Variants in FAR1 observed in about 807,000 individuals in gnomAD.
The protein encoded by FAR1 is fatty acyl-CoA reductase 1, also known as male sterility domain-containing protein 2.
A neutral mutation model predicts 61.1 loss-of-function variants in FAR1; 22 were observed. That is an observed-to-expected ratio of 0.36 (90% CI 0.26 to 0.51). The LOEUF is 0.51. Ranked by LOEUF, FAR1 falls within the 20% of genes least tolerant of loss-of-function variation. The pLI, the probability that FAR1 is intolerant of heterozygous loss-of-function variation, is 0.95. For synonymous variants in FAR1, 206 were observed against 209.7 expected (o/e 0.98, Z 0.15); for missense variants, 359 against 626.9 (o/e 0.57, Z 4.56).
At chr11:13,698,602 G>C (rs189988272) in intron 2 of FAR1, among the ~76,000 whole-genome samples, 6 of 152,126 alleles carry the variant, frequency 3.9e-5, no homozygotes, top group African/African-American at 1.2e-4. Context: ...AGGTCAAGGT[G>C]GGGGGATCAT....
At chr11:13,693,295 C>T (rs57994482) in intron 1 of FAR1, among the ~76,000 whole-genome samples, 7,470 of 152,290 alleles carry the variant, frequency 0.049, 221 homozygotes, top group African/African-American at 0.075. Flanking sequence ...GACAAGCTTG[C>T]ATTAAGGCCG....
chr11:13,674,213 G>A (rs973560720), intron 1 of FAR1, among the ~76,000 whole-genome samples: 8 of 151,090 alleles, frequency 5.3e-5, no homozygotes, highest in African/African-American at 1.9e-4. Context: ...GGAGGCTGAG[G>A]CAAAAGAATT....
In FAR1 at chr11:13,730,643, G is replaced by A. The variant is rs1266905592; in HGVS notation, c.*1869G>A. On this transcript the variant is annotated 3_prime_UTR_variant, in exon 12 of 12. Transcript: ENST00000354817. The stretch of plus-strand genomic sequence containing the variant: ...ATGATTTTTATACTTCTGCCGAATA[G>A]ACTTAGAATCAGATGAATTGTCTGT... 1 of 152,190 alleles carries A rather than the reference G, an allele frequency of 6.6e-6. No homozygotes were observed. Among genetic ancestry groups the A allele is most frequent in the East Asian group, 1.9e-4 (1 of 5,188 alleles). 9.4% of individuals were successfully genotyped at this position (152,190 alleles called of 1,614,324 possible).
chr11:13,691,573 G>T (rs185138530), intron 1 of FAR1, among the ~76,000 whole-genome samples: 189 of 152,244 alleles, frequency 1.2e-3, no homozygotes, highest in African/African-American at 4.0e-3. Context: ...TTTGCATTCT[G>T]TCTCTGTATA....
chr11:13,721,613 T>A lies in FAR1; in HGVS notation c.1128-117T>A. ...TGATTTGGTACACTTAATGATTAAATGTTATAATTTTAATACTAATGTCTA... is the reference window on the plus strand; with the variant it reads ...TGATTTGGTACACTTAATGATTAAAAGTTATAATTTTAATACTAATGTCTA... On this transcript the variant is annotated intron_variant, in intron 9 of 11. Transcript: ENST00000354817. This position sits in a 1 kb window ranked among gnomAD's most constrained non-coding sequence, Gnocchi z 4.2. The A allele has an allele frequency of 1.4e-6, 1 of 696,614 alleles. No individual in the cohort carries two copies. 43.2% of individuals were successfully genotyped at this position (696,614 alleles called of 1,614,324 possible). A position where few individuals can be genotyped will look rare whatever the true frequency, so the allele number is the denominator to read the frequency against.
chr11:13,703,860 ATGG>A (rs1373665003), intron 3 of FAR1, among the ~76,000 whole-genome samples: 1 of 151,968 alleles, frequency 6.6e-6, no homozygotes. Context: ...CCTGGCCAAC[ATGG>A]TGAAACCTCA....
chr11:13,690,878 TTC>T (rs1470135901), intron 1 of FAR1, among the ~76,000 whole-genome samples: 2 of 152,250 alleles, frequency 1.3e-5, no homozygotes, highest in African/African-American at 4.8e-5. Flanking sequence ...GTTGTTTAAT[TTC>T]TGTCAGTATT....
chr11:13,720,337 A>C (rs1848597180), intron 9 of FAR1: 1 of 152,094 alleles, frequency 6.6e-6, no homozygotes, highest in African/African-American at 2.4e-5. Context: ...GTATATATTG[A>C]TGTAGTGACA....
chr11:13,693,797 T>G (rs745703156), intron 1 of FAR1, among the ~76,000 whole-genome samples: 12 of 152,224 alleles, frequency 7.9e-5, no homozygotes, highest in Non-Finnish European at 1.2e-4. Flanking sequence ...TTTCTTTTCT[T>G]TCTTCCTTTT....
intron 1 of FAR1, 36 bp downstream of exon 1, chr11:13,668,842 T>G (rs908459553): frequency 6.5e-6 from 1 of 153,166 alleles, no homozygotes; most frequent in African/African-American, 2.4e-5. Context: ...GCGGCCGGGC[T>G]GCGGGCTCCT....
Position 13,727,653 on chromosome 11 carries a change from G to C in FAR1, c.1355G>C (p.Gly452Ala). Residue 452 changes from glycine to alanine, a missense_variant, in exon 11 of 12, where the codon GGC becomes GCC. Gly to Ala is a moderately conservative substitution (Grantham distance 60, BLOSUM62 0). This residue lies in a region of FAR1 where 344 missense variants were observed against 570.3 expected (regional missense o/e 0.60). Transcript: ENST00000354817. The stretch of plus-strand genomic sequence containing the variant: ...TACGTATTGAATGAAGAAATGTCTG[G>C]CCTCCCTGCAGCCAGAAAACATCTG... ...KKYVLNEEMSGLPAARKHLNK... is the reference protein window; with the variant it reads ...KKYVLNEEMSALPAARKHLNK... 6.2e-7 allele frequency: 1 copy of C among 1,609,318 alleles called. No individual in the cohort carries two copies. Among genetic ancestry groups the C allele is most frequent in the Non-Finnish European group, 8.5e-7 (1 of 1,177,230 alleles).
intron 2 of FAR1, among the ~76,000 whole-genome samples, chr11:13,697,526 T>TA (rs1241185620): frequency 6.6e-6 from 1 of 152,002 alleles, no homozygotes; most frequent in African/African-American, 2.4e-5. Context: ...TCAAGGATAT[T>TA]AAAAAGGCAT....
chr11:13,691,657 T>C (rs564516236), intron 1 of FAR1, among the ~76,000 whole-genome samples: 85 of 152,314 alleles, frequency 5.6e-4, no homozygotes, highest in African/African-American at 1.9e-3. Flanking sequence ...TTCTTTCATT[T>C]GATATATTTT....
intron 10 of FAR1, among the ~76,000 whole-genome samples, chr11:13,723,200 C>A (rs1848630880): frequency 2.0e-5 from 3 of 151,394 alleles, no homozygotes; most frequent in Non-Finnish European, 4.4e-5. Context: ...CCCATCTCCA[C>A]AAAAATAAGA....
intron 10 of FAR1, chr11:13,723,441 C>T (rs927453879): frequency 2.3e-5 from 9 of 389,248 alleles, no homozygotes; most frequent in African/African-American, 6.6e-5. Flanking sequence ...GTTGAAAAGT[C>T]GGTAGTTGGC....
At chr11:13,720,208 T>TA (rs1411160773) in intron 9 of FAR1, 1 of 152,146 alleles carries the variant, frequency 6.6e-6, no homozygotes, top group Non-Finnish European at 1.5e-5. Context: ...AAGATAAGAT[T>TA]AGGTGAGAGA....
At chr11:13,716,069 C>T (rs748510748) in intron 9 of FAR1, among the ~76,000 whole-genome samples, 1 of 152,180 alleles carries the variant, frequency 6.6e-6, no homozygotes, top group Non-Finnish European at 1.5e-5. Flanking sequence ...CTAGAATGAT[C>T]TGCAAAATGC....
Position 13,730,123 on chromosome 11 carries a change from T to G in FAR1, c.*1349T>G, listed in dbSNP as rs562336702. On this transcript the variant is annotated 3_prime_UTR_variant, in exon 12 of 12. Coordinates refer to ENST00000354817, the MANE Select transcript of FAR1 (RefSeq NM_032228.6). ...AATTGTTCAGCATAACACTTCTAAT[T>G]AAGTTTATCAAGTTGTACTGTATTA... 9.0e-4 allele frequency: 138 copies of G among 152,554 alleles called. No individual in the cohort carries two copies. The highest frequency in any genetic ancestry group is 3.2e-3 in the African/African-American group (131 of 41,576). The allele number at this position is 152,554 out of a possible 1,614,324, so 9.5% of individuals were successfully genotyped here. A position where few individuals can be genotyped will look rare whatever the true frequency, so the allele number is the denominator to read the frequency against.
At chr11:13,705,037 A>G (rs1047035796) in intron 3 of FAR1, among the ~76,000 whole-genome samples, 3 of 152,136 alleles carry the variant, frequency 2.0e-5, no homozygotes, top group Non-Finnish European at 4.4e-5. Flanking sequence ...ACGAACAAGA[A>G]AATGTATTGG....
Sources: gnomAD v4.1 joint callset for allele counts (sites outside exome capture counted in the v4.1 genomes callset) on GRCh38, gnomAD v4.1.1 for gene constraint, gnomAD v4.1.1 regional missense constraint, Gnocchi (gnomAD v3.1) non-coding constraint, MANE v1.5 for transcripts, NCBI Gene and HGNC (gene_info 2026-07-23, HGNC 2026-07-21) for gene names.